NUP153: variants seen among roughly 807,000 people sequenced by gnomAD.
NUP153 encodes nuclear pore complex protein Nup153.
Under a neutral mutation model 134.6 loss-of-function variants are expected in NUP153, and 27 were observed. The observed-to-expected ratio is 0.20, with a 90% CI of 0.15 to 0.28. The LOEUF is 0.28. Among genes scored for constraint, NUP153 ranks in the 10% least tolerant of loss-of-function variants. The pLI, the probability that NUP153 is intolerant of heterozygous loss-of-function variation, is 1.00. For missense variants in NUP153, 1,821 were observed against 1,731.3 expected (o/e 1.05, Z -0.92); for synonymous variants, 640 against 623.5 (o/e 1.03, Z -0.40).
At chr6:17,640,998 T>C (rs1309638839) in intron 14 of NUP153, among the ~76,000 whole-genome samples, 1 of 152,000 alleles carries the variant, frequency 6.6e-6, no homozygotes, top group Non-Finnish European at 1.5e-5. Flanking sequence ...ATCTAAAGAG[T>C]AATGGTAGCT....
At chr6:17,705,292 T>TTTA (rs1353637797) in intron 1 of NUP153, among the ~76,000 whole-genome samples, 11 of 152,190 alleles carry the variant, frequency 7.2e-5, no homozygotes, top group African/African-American at 2.4e-4. Context: ...AAGTTAACAT[T>TTTA]TTCCTATTCA....
rs1318242570 is a variant in NUP153 at position 17,675,231 on chromosome 6, G to T, written c.721C>A (p.Pro241Thr). ...FNLSAFGTLS[P>T]SLGNSSILKT... ...AATCCAACCCAGTTAGTACTCACAG[G>T]GGAAAGTGTTCCAAAGGCAGACAAG... The change falls in exon 4 of 22, where the codon CCT (proline) becomes ACT (threonine). Residue 241 changes from proline (P) to threonine (T), a missense_variant and splice_region_variant. Transcript: ENST00000262077. This position sits in a 1 kb window ranked among gnomAD's most constrained non-coding sequence, Gnocchi z 4.4. 1 of 1,614,052 alleles carries T rather than the reference G, an allele frequency of 6.2e-7. No individual in the cohort carries two copies. The highest frequency in any genetic ancestry group is 1.1e-5 in the South Asian group (1 of 91,078).
intron 11 of NUP153, among the ~76,000 whole-genome samples, chr6:17,653,344 G>A (rs1346460568): frequency 6.6e-6 from 1 of 152,110 alleles, no homozygotes; most frequent in Non-Finnish European, 1.5e-5. Context: ...AGTCATCAAG[G>A]AAATGCAAAT....
chr6:17,660,044 T>C (rs1156386906), intron 11 of NUP153, among the ~76,000 whole-genome samples: 1 of 152,150 alleles, frequency 6.6e-6, no homozygotes, highest in African/African-American at 2.4e-5. Flanking sequence ...AGTCAATTTA[T>C]ATGGCAGAAA....
At chr6:17,668,137 G>A (rs549138079) in intron 8 of NUP153, among the ~76,000 whole-genome samples, 15 of 146,600 alleles carry the variant, frequency 1.0e-4, no homozygotes, top group African/African-American at 2.3e-4. Flanking sequence ...GTGCAGTGGC[G>A]CGGCCTCGGC....
intron 11 of NUP153, among the ~76,000 whole-genome samples, chr6:17,656,110 CAGG>C (rs149172885): frequency 0.041 from 6,184 of 152,060 alleles, 386 homozygotes; most frequent in East Asian, 0.29. Flanking sequence ...GAGGCTGAGG[CAGG>C]AGAATTGCTT....
chr6:17,654,705 G>GA (rs996628332), intron 11 of NUP153, among the ~76,000 whole-genome samples: 7 of 151,610 alleles, frequency 4.6e-5, no homozygotes, highest in Non-Finnish European at 7.4e-5. Flanking sequence ...AATCTAAGAG[G>GA]AAAAAAAAGC....
chr6:17,662,170 T>C (rs1767229634), intron 9 of NUP153, 100 bp from the exon 10 acceptor site: 2 of 1,082,178 alleles, frequency 1.8e-6, no homozygotes, highest in African/African-American at 1.6e-5. Context: ...AATCAGGAAT[T>C]TGATGGCTTT....
chr6:17,678,352 CAAAAAAA>C (rs11428582), intron 2 of NUP153, among the ~76,000 whole-genome samples: 4 of 68,224 alleles, frequency 5.9e-5, no homozygotes, highest in Admixed American at 1.7e-4. Context: ...CCCTCTGTCT[CAAAAAAA>C]AAAAAAAAAA....
rs1766285571 is a variant in NUP153, at chr6:17,647,858, A to AAATTTAATTTAATTT, written c.1580_1581insAAATTAAATTAAATT (p.Lys526_Phe527insLeuAsnTer). On this transcript the variant is annotated stop_gained, in exon 13 of 22. Transcript: ENST00000262077. LOFTEE classifies it high-confidence loss of function. ...CAGTAGATTTTACGATTGGAGATGA[A>AAATTTAATTTAATTT]AATTTAAACATGGGACTGCCAGTGC... 2 of 1,613,646 alleles carry AAATTTAATTTAATTT rather than the reference A, an allele frequency of 1.2e-6. No homozygotes were observed. The highest frequency in any genetic ancestry group is 1.7e-6 in the Non-Finnish European group (2 of 1,179,718).
chr6:17,688,757 C>A, intron 1 of NUP153, 139 bp from the exon 2 acceptor site: 1 of 624,658 alleles, frequency 1.6e-6, no homozygotes. Context: ...ACAGTTACTG[C>A]TAACATAATG....
At position 17,661,762 on chromosome 6, in the gene NUP153, T is replaced by C; in HGVS notation, c.1286A>G (p.Asn429Ser). The C allele has an allele frequency of 3.1e-6, 5 of 1,612,968 alleles. No individual in the cohort carries two copies. The highest frequency in any genetic ancestry group is 2.5e-6 in the Non-Finnish European group (3 of 1,179,726). ...EQRESGFSYP[N>S]FSLPAANGLS... ...ACCATTGGCTGCAGGCAAACTGAAA[T>C]TTGGATATGAAAAGCCACTGGCAAA... is the stretch of plus-strand genomic sequence containing the variant. The change falls in exon 11 of 22, where the codon AAT becomes AGT. Residue 429 changes from asparagine to serine, a missense_variant. Transcript: ENST00000262077.
chr6:17,624,549 C>T lies in NUP153; in HGVS notation c.4174+12G>A, dbSNP rs748820360. The T allele has an allele frequency of 1.2e-6, 2 of 1,613,032 alleles. No individual in the cohort carries two copies. Among genetic ancestry groups the T allele is most frequent in the African/African-American group, 1.3e-5 (1 of 74,902 alleles). ...ACCCATACAGATACTAACAGCATCA[C>T]AGCACACTTACTAGAATTAGGAGTT... On this transcript the variant is annotated intron_variant, in intron 20 of 21. Coordinates refer to ENST00000262077, the MANE Select transcript of NUP153 (RefSeq NM_005124.4).
rs990054505 is a variant in NUP153, at chr6:17,680,734, AC to A, written c.335-4965del. The stretch of plus-strand genomic sequence containing the variant: ...TATCCAGAACATAAAAAGTACTCCA[AC>A]CCCCAGTGAAAATGGCTTTTATCAA... On this transcript the variant is annotated intron_variant, in intron 2 of 21. Coordinates refer to ENST00000262077, the MANE Select transcript of NUP153 (RefSeq NM_005124.4). The surrounding 1 kb of genome is among the most constrained non-coding windows in gnomAD (Gnocchi z 4.5). 1.4e-4 allele frequency among the ~76,000 whole-genome samples: 22 copies of A among 152,156 alleles called. No individual in the cohort carries two copies. Among genetic ancestry groups the A allele is most frequent in the Non-Finnish European group, 7.4e-5 (5 of 68,026 alleles).
At chr6:17,651,960 T>C (rs1487258328) in intron 11 of NUP153, 2 of 605,850 alleles carry the variant, frequency 3.3e-6, no homozygotes, top group Admixed American at 2.1e-5. Flanking sequence ...CGAGGTATGA[T>C]GGCACATGCC....
At chr6:17,618,601 T>C (rs949553050) in intron 20 of NUP153, among the ~76,000 whole-genome samples, 2 of 151,340 alleles carry the variant, frequency 1.3e-5, no homozygotes, top group Non-Finnish European at 2.9e-5. Flanking sequence ...AGTCTGGCTC[T>C]GTTGCCCAGG....
chr6:17,705,730 G>A (rs549831151), intron 1 of NUP153, among the ~76,000 whole-genome samples: 16 of 152,158 alleles, frequency 1.1e-4, no homozygotes, highest in African/African-American at 3.4e-4. Flanking sequence ...CACAGGCAGG[G>A]GAAACCGAGA....
At chr6:17,631,066 A>G (rs1030123705) in intron 17 of NUP153, among the ~76,000 whole-genome samples, 5 of 152,236 alleles carry the variant, frequency 3.3e-5, no homozygotes, top group African/African-American at 1.2e-4. Flanking sequence ...ACAAACTTCT[A>G]AAACACTTAA....
chr6:17,631,407 G>A (rs1300619088), intron 17 of NUP153, among the ~76,000 whole-genome samples: 4 of 152,128 alleles, frequency 2.6e-5, no homozygotes, highest in Non-Finnish European at 4.4e-5. Context: ...TTGTTACATG[G>A]ATATGTTGCC....
Sources: gnomAD v4.1 joint callset for allele counts (sites outside exome capture counted in the v4.1 genomes callset) on GRCh38, gnomAD v4.1.1 for gene constraint, Gnocchi (gnomAD v3.1) non-coding constraint, MANE v1.5 for transcripts, NCBI Gene and HGNC (gene_info 2026-07-23, HGNC 2026-07-21) for gene names.